Variants in ACYP2 observed in about 807,000 individuals in gnomAD.
The protein encoded by ACYP2 is acylphosphatase 2.
A neutral mutation model predicts 11.2 loss-of-function variants in ACYP2; 12 were observed. That is an observed-to-expected ratio of 1.08 (90% CI 0.69 to 1.74). The LOEUF is 1.74. ACYP2 is among the 40% of genes most tolerant of loss of function. The pLI is 0.00. For synonymous variants in ACYP2, 43 were observed against 32.2 expected (o/e 1.33, Z -1.13); for missense variants, 134 against 101.9 (o/e 1.31, Z -1.35).
Position 54,057,328 on chromosome 2 carries a change from C to T in ACYP2, c.245C>T (p.Ser82Leu). Residue 82 changes from serine to leucine, a missense_variant, in exon 4 of 7, where the codon TCA becomes TTA. Coordinates refer to ENST00000607452, the MANE Select transcript of ACYP2 (RefSeq NM_001320586.2). ...TGGAAGGAGAACATTTCTTGCTCAT[C>T]AACTACTTTCATAAAATCAACAATT... The T allele has an allele frequency of 2.5e-6, 1 of 397,958 alleles. No homozygotes were observed. The highest frequency in any genetic ancestry group is 4.4e-6 in the Non-Finnish European group (1 of 225,678). 24.7% of individuals were successfully genotyped at this position (397,958 alleles called of 1,614,324 possible).
intron 6 of ACYP2, among the ~76,000 whole-genome samples, chr2:54,176,001 T>C (rs895334219): frequency 1.3e-5 from 2 of 152,130 alleles, no homozygotes; most frequent in African/African-American, 4.8e-5. Context: ...TGAGGATACA[T>C]TGAAGGCACC....
intron 2 of ACYP2, among the ~76,000 whole-genome samples, chr2:54,032,995 A>C (rs1421617): frequency 6.6e-6 from 1 of 151,940 alleles, no homozygotes; most frequent in African/African-American, 2.4e-5. Context: ...CTTCTACAAA[A>C]ACTATTGACA....
At chr2:54,157,318 A>G (rs904293924) in intron 6 of ACYP2, among the ~76,000 whole-genome samples, 4 of 152,228 alleles carry the variant, frequency 2.6e-5, no homozygotes, top group African/African-American at 9.6e-5. Context: ...GGATCATGCC[A>G]CACATATTAT....
intron 4 of ACYP2, among the ~76,000 whole-genome samples, chr2:54,095,310 C>G (rs1678464294): frequency 6.6e-6 from 1 of 152,234 alleles, no homozygotes; most frequent in East Asian, 1.9e-4. Flanking sequence ...GGCAACCATC[C>G]GATTTCTCAA....
At chr2:54,202,248 A>G (rs1177878708) in intron 6 of ACYP2, among the ~76,000 whole-genome samples, 3 of 151,874 alleles carry the variant, frequency 2.0e-5, no homozygotes, top group African/African-American at 7.3e-5. Context: ...AGCTGGGACT[A>G]CAGGTGCGTG....
intron 6 of ACYP2, among the ~76,000 whole-genome samples, chr2:54,160,693 A>G (rs1306102847): frequency 6.6e-6 from 1 of 152,232 alleles, no homozygotes; most frequent in African/African-American, 2.4e-5. Flanking sequence ...TGTGACTGGA[A>G]CATAGGCAGA....
At chr2:54,051,189 C>T (rs1675848711) in intron 3 of ACYP2, 1 of 731,412 alleles carries the variant, frequency 1.4e-6, no homozygotes, top group East Asian at 2.4e-5. Context: ...CTCTGCCTCA[C>T]TGAGGAAAAA....
chr2:54,245,450 A>G (rs913358189), intron 6 of ACYP2, among the ~76,000 whole-genome samples: 2 of 152,126 alleles, frequency 1.3e-5, no homozygotes, highest in African/African-American at 4.8e-5. Flanking sequence ...TTTTTGAGGA[A>G]TATTGTTCTC....
intron 4 of ACYP2, among the ~76,000 whole-genome samples, chr2:54,089,975 G>A (rs779805390): frequency 5.9e-5 from 9 of 151,430 alleles, no homozygotes; most frequent in Non-Finnish European, 1.0e-4. Context: ...GTGAAACCTC[G>A]TCTCTACTAA....
At chr2:54,043,266 T>C (rs755726527) in intron 2 of ACYP2, among the ~76,000 whole-genome samples, 3 of 152,142 alleles carry the variant, frequency 2.0e-5, no homozygotes, top group Non-Finnish European at 4.4e-5. Context: ...CAAGGGACAA[T>C]CAAAAGGAAT....
intron 4 of ACYP2, among the ~76,000 whole-genome samples, chr2:54,103,118 C>G (rs1005615878): frequency 6.6e-6 from 1 of 151,730 alleles, no homozygotes; most frequent in African/African-American, 2.4e-5. Flanking sequence ...TTGTAAAAGA[C>G]AAAAAAAGAG....
intron 4 of ACYP2, 110 bp from the exon 2 acceptor site, chr2:54,135,343 G>A: frequency 5.2e-6 from 5 of 952,836 alleles, no homozygotes; most frequent in Non-Finnish European, 6.4e-6. Context: ...AACTGCAGAA[G>A]GTGAAACCAA....
intron 6 of ACYP2, among the ~76,000 whole-genome samples, chr2:54,288,778 T>G (rs748498114): frequency 1.3e-5 from 2 of 151,976 alleles, no homozygotes; most frequent in Non-Finnish European, 2.9e-5. Flanking sequence ...CTTTCTGTGA[T>G]GTACATTTAG....
intron 6 of ACYP2, among the ~76,000 whole-genome samples, chr2:54,239,870 TGTC>T (rs1276565010): frequency 6.6e-6 from 1 of 152,208 alleles, no homozygotes; most frequent in African/African-American, 2.4e-5. Flanking sequence ...TATTTCCAAA[TGTC>T]ATGTGTTTAC....
At chr2:54,165,977 C>G (rs1682950710) in intron 6 of ACYP2, among the ~76,000 whole-genome samples, 1 of 152,206 alleles carries the variant, frequency 6.6e-6, no homozygotes, top group Non-Finnish European at 1.5e-5. Flanking sequence ...CCTTAATCCA[C>G]CAAAACACAC....
intron 6 of ACYP2, among the ~76,000 whole-genome samples, chr2:54,205,731 C>G (rs10172580): frequency 0.028 from 4,201 of 152,176 alleles, 197 homozygotes; most frequent in African/African-American, 0.097. Flanking sequence ...TTCTGAAATA[C>G]TCCTCCCCTC....
intron 4 of ACYP2, among the ~76,000 whole-genome samples, chr2:54,072,716 C>G (rs1316810088): frequency 6.6e-6 from 1 of 152,014 alleles, no homozygotes; most frequent in Admixed American, 6.6e-5. Context: ...GCACGTGCCA[C>G]TGTGCCAGGC....
chr2:54,267,441 G>A, intron 6 of ACYP2: 1 of 1,330,262 alleles, frequency 7.5e-7, no homozygotes, highest in Non-Finnish European at 1.0e-6. Flanking sequence ...GGAGGGAGAA[G>A]GAATTGGGAG....
Position 54,153,678 on chromosome 2 carries a change from C to T in ACYP2, c.404+14930C>T, listed in dbSNP as rs922709981. Among the ~76,000 whole-genome samples the T allele has an allele frequency of 3.3e-5, 5 of 150,708 alleles. No individual in the cohort carries two copies. In the South Asian group the frequency reaches 8.4e-4, roughly 25 times the overall value. The stretch of plus-strand genomic sequence containing the variant: ...GCAGTGGCGTGATCTCGGCTCACTG[C>T]AAGCTCTGCCTCCTGGGTTCACACC... On this transcript the variant is annotated intron_variant, in intron 6 of 6. Coordinates refer to ENST00000607452, the MANE Select transcript of ACYP2 (RefSeq NM_001320586.2).
Sources: gnomAD v4.1 joint callset for allele counts (sites outside exome capture counted in the v4.1 genomes callset) on GRCh38, gnomAD v4.1.1 for gene constraint, MANE v1.5 for transcripts, NCBI Gene and HGNC (gene_info 2026-07-23, HGNC 2026-07-21) for gene names.